The following ITGA5 variants were observed in gnomAD, a reference collection of about 807,000 sequenced individuals.
ITGA5 encodes the protein integrin subunit alpha 5.
A neutral mutation model predicts 146.3 loss-of-function variants in ITGA5; 55 were observed. The observed-to-expected ratio is 0.38, with a 90% CI of 0.30 to 0.47. The LOEUF is 0.47. ITGA5 is among the 20% of genes least tolerant of loss of function. The probability of loss-of-function intolerance (pLI) is 0.99; values close to 1 mark genes in which losing one functional copy is unlikely to be tolerated. For missense variants in ITGA5, 1,131 were observed against 1,329.0 expected (o/e 0.85, Z 2.32); for synonymous variants, 500 against 531.8 (o/e 0.94, Z 0.82).
At position 54,398,678 on chromosome 12, in the gene ITGA5, G is replaced by T; in HGVS notation, c.2862C>A (p.Ser954Arg). 2 of 1,603,728 alleles carry T rather than the reference G, an allele frequency of 1.2e-6. No homozygotes were observed. Among genetic ancestry groups the T allele is most frequent in the Non-Finnish European group, 1.7e-6 (2 of 1,176,058 alleles). ...CTTTGTACACAGCCTCACACTGCAGGCTAAATGGCTGGTGCTCCCGCTGTG... is the reference window on the plus strand; with the variant it reads ...CTTTGTACACAGCCTCACACTGCAGTCTAAATGGCTGGTGCTCCCGCTGTG... ...TFLQREHQPF[S>R]LQCEAVYKAL... Residue 954 changes from serine (S) to arginine (R), a missense_variant, in exon 28 of 30, where the codon AGC becomes AGA. By Grantham distance (110) the Ser-to-Arg change is moderately radical. Transcript: ENST00000293379.
At position 54,408,668 on chromosome 12, in the gene ITGA5, CCACTGCACTCCAGCCTGGGTGA is replaced by C. The variant is rs1001313982; in HGVS notation, c.691+66_691+87del. 3 of 1,201,686 alleles carry C rather than the reference CCACTGCACTCCAGCCTGGGTGA, an allele frequency of 2.5e-6. No individual in the cohort carries two copies. The African/African-American group carries it at 4.7e-5, about 19-fold the overall frequency. 74.4% of individuals were successfully genotyped at this position (1,201,686 alleles called of 1,614,324 possible). A position where few individuals can be genotyped will look rare whatever the true frequency, so the allele number is the denominator to read the frequency against. ...TTGAACCTGGGCAGCAGAGGTTGTG[CCACTGCACTCCAGCCTGGGTGA>C]CAGAGTGAGACTTCGTCTCAAAAAA... On this transcript the variant is annotated intron_variant, in intron 6 of 29. Coordinates refer to ENST00000293379, the MANE Select transcript of ITGA5 (RefSeq NM_002205.5).
intron 28 of ITGA5, among the ~76,000 whole-genome samples, chr12:54,398,352 T>C (rs2120463228): frequency 6.6e-6 from 1 of 152,314 alleles, no homozygotes; most frequent in East Asian, 1.9e-4. Context: ...TCCTATTATG[T>C]GTTTTCATAA....
chr12:54,400,479 G>T (rs1241534068), intron 25 of ITGA5: 3 of 209,480 alleles, frequency 1.4e-5, no homozygotes, highest in South Asian at 9.5e-5. Flanking sequence ...ATATTTCCTG[G>T]GCCTAACAGT....
At chr12:54,412,635 T>C (rs1302045436) in intron 1 of ITGA5, 2 of 152,440 alleles carry the variant, frequency 1.3e-5, no homozygotes, top group Non-Finnish European at 2.9e-5. Context: ...CCCTTTCCCA[T>C]AGACCACCCC....
intron 27 of ITGA5, 133 bp from the exon 28 acceptor site, chr12:54,398,831 CTCTCTTTT>C (rs2120466670): frequency 1.3e-5 from 6 of 449,274 alleles, no homozygotes; most frequent in South Asian, 1.2e-4. Flanking sequence ...CTCTCTCTCT[CTCTCTTTT>C]TTTTTTTTTT....
Position 54,409,663 on chromosome 12 carries a change from C to A in ITGA5, c.350-66G>T. The A allele has an allele frequency of 9.3e-7, 1 of 1,070,678 alleles. No individual in the cohort carries two copies. 66.3% of individuals were successfully genotyped at this position (1,070,678 alleles called of 1,614,324 possible). A position where few individuals can be genotyped will look rare whatever the true frequency, so the allele number is the denominator to read the frequency against. On this transcript the variant is annotated intron_variant, in intron 2 of 29. Coordinates refer to ENST00000293379, the MANE Select transcript of ITGA5 (RefSeq NM_002205.5). This position sits in a 1 kb window ranked among gnomAD's most constrained non-coding sequence, Gnocchi z 4.7. ...CATTTGAGCTCTAGGGCAGCCCCTA[C>A]CCTCAGCCTGGGGATACCCAACAAA...
At position 54,399,604 on chromosome 12, in the gene ITGA5, C is replaced by T. The variant is rs771208809; in HGVS notation, c.2841+41G>A. 4.1e-6 allele frequency: 6 copies of T among 1,474,070 alleles called. No individual in the cohort carries two copies. The African/African-American group carries it at 4.2e-5, about 10-fold the overall frequency. The allele number at this position is 1,474,070 out of a possible 1,614,324, so 91.3% of individuals were successfully genotyped here. A position where few individuals can be genotyped will look rare whatever the true frequency, so the allele number is the denominator to read the frequency against. ...AAAGGGGTGGGTCAGTCTAAGCAGG[C>T]CCAAAGGTCAGGGGTCAGGGCTGAG... On this transcript the variant is annotated intron_variant, in intron 27 of 29. Transcript: ENST00000293379.
rs1956010375 is a variant in ITGA5, at chr12:54,416,578, A to G, written c.218+2403T>C. ...GTAGCCAGGAAGGAGAGAACCAGAAACAGAAACAGCTACCCCATAAAAACC... is the reference window on the plus strand; with the variant it reads ...GTAGCCAGGAAGGAGAGAACCAGAAGCAGAAACAGCTACCCCATAAAAACC... On this transcript the variant is annotated intron_variant, in intron 1 of 29. Transcript: ENST00000293379. This position sits in a 1 kb window ranked among gnomAD's most constrained non-coding sequence, Gnocchi z 4.1. 6.6e-6 allele frequency among the ~76,000 whole-genome samples: 1 copy of G among 152,220 alleles called. No individual in the cohort carries two copies. The highest frequency in any genetic ancestry group is 1.5e-5 in the Non-Finnish European group (1 of 68,042).
intron 11 of ITGA5, 57 bp from the exon 12 acceptor site, chr12:54,405,431 A>C: frequency 7.3e-7 from 1 of 1,368,052 alleles, no homozygotes; most frequent in Non-Finnish European, 1.0e-6. Context: ...CCCCACCCCA[A>C]TCCTAGTGCT....
rs1194727211 is a variant in ITGA5 at position 54,418,581 on chromosome 12, A to G, written c.218+400T>C. Among the ~76,000 whole-genome samples the G allele has an allele frequency of 2.7e-5, 4 of 150,242 alleles. No individual in the cohort carries two copies. The East Asian group carries it at 8.0e-4, about 30-fold the overall frequency. ...GATCCCGAGGTCTCCTGGAGCCCCC[A>G]AAAGCCCTTCCCGGCCTCTGCGCCC... On this transcript the variant is annotated intron_variant, in intron 1 of 29. Transcript: ENST00000293379.
At chr12:54,411,756 CGCCCCAG>C (rs1955946412) in intron 2 of ITGA5, 71 bp downstream of exon 2, 4 of 1,296,420 alleles carry the variant, frequency 3.1e-6, no homozygotes, top group East Asian at 2.9e-5. Context: ...CTCCACCCCT[CGCCCCAG>C]GCCCCACCCA....
intron 1 of ITGA5, among the ~76,000 whole-genome samples, chr12:54,415,713 G>C (rs1323545874): frequency 6.6e-6 from 1 of 152,208 alleles, no homozygotes; most frequent in Non-Finnish European, 1.5e-5. Context: ...CAGGGGTGGA[G>C]AGCAGCAAGT....
At chr12:54,402,658 C>A (rs563812013) in intron 19 of ITGA5, among the ~76,000 whole-genome samples, 1 of 151,914 alleles carries the variant, frequency 6.6e-6, no homozygotes, top group South Asian at 2.1e-4. Flanking sequence ...CGAGATTGCG[C>A]CACTGCACTC....
rs184459769 is a variant in ITGA5, at chr12:54,416,118, G to A, written c.218+2863C>T. On this transcript the variant is annotated intron_variant, in intron 1 of 29. Coordinates refer to ENST00000293379, the MANE Select transcript of ITGA5 (RefSeq NM_002205.5). This position sits in a 1 kb window ranked among gnomAD's most constrained non-coding sequence, Gnocchi z 4.1. ...TCACTCTGTCGCCCAGTCTGGGGTC[G>A]CTCAGTACAGATGTGATCTCAGCTC... Among the ~76,000 whole-genome samples, 19 of 152,200 alleles carry A rather than the reference G, an allele frequency of 1.2e-4. No individual in the cohort carries two copies. The East Asian group carries it at 3.3e-3, about 26-fold the overall frequency.
chr12:54,418,117 C>G (rs550318913), intron 1 of ITGA5, among the ~76,000 whole-genome samples: 70 of 152,048 alleles, frequency 4.6e-4, no homozygotes, highest in African/African-American at 1.6e-3. Context: ...CCAGAAGTCC[C>G]GGTCTCAGCA....
In ITGA5 at chr12:54,405,386, G is replaced by C. The variant is rs1372322899; in HGVS notation, c.1017-12C>G. 1 of 1,580,188 alleles carries C rather than the reference G, an allele frequency of 6.3e-7. No homozygotes were observed. The highest frequency in any genetic ancestry group is 2.3e-5 in the East Asian group (1 of 44,030). On this transcript the variant is annotated splice_polypyrimidine_tract_variant and intron_variant, in intron 11 of 29. Transcript: ENST00000293379. ...GCAAGTCATCCAGCCTGAGGGGAAG[G>C]GCAAACCCAGGCATCTCGATACCCT...
At chr12:54,402,148 C>A (rs755384616) in intron 20 of ITGA5, 32 bp downstream of exon 20, 1 of 1,613,310 alleles carries the variant, frequency 6.2e-7, no homozygotes, top group African/African-American at 1.3e-5. Context: ...GAGGGGTATC[C>A]TCCCAAATCC....
At chr12:54,414,497 A>T (rs947715780) in intron 1 of ITGA5, among the ~76,000 whole-genome samples, 1 of 152,198 alleles carries the variant, frequency 6.6e-6, no homozygotes, top group Non-Finnish European at 1.5e-5. Context: ...GAACCTGGTT[A>T]TCTCATGCTG....
In ITGA5 at chr12:54,403,779, C is replaced by A; in HGVS notation, c.1622G>T (p.Gly541Val). Residue 541 changes from glycine (G) to valine (V), a missense_variant and splice_region_variant, in exon 17 of 30, where the codon GGT becomes GTT. Coordinates refer to ENST00000293379, the MANE Select transcript of ITGA5 (RefSeq NM_002205.5). The surrounding 1 kb of genome is among the most constrained non-coding windows in gnomAD (Gnocchi z 4.9). Reference sequence around the variant, plus strand: ...GTCCAGCTGAAGTTCCACTGTGAAACCTGAAGCCAGGGACATATAAAGGGA... The same window carrying A: ...GTCCAGCTGAAGTTCCACTGTGAAAACTGAAGCCAGGGACATATAAAGGGA... ...ASGKHVADSI[G>V]FTVELQLDWQ... The A allele has an allele frequency of 6.2e-7, 1 of 1,613,950 alleles. No homozygotes were observed. The highest frequency in any genetic ancestry group is 8.5e-7 in the Non-Finnish European group (1 of 1,179,834).
Sources: gnomAD v4.1 joint callset for allele counts (sites outside exome capture counted in the v4.1 genomes callset) on GRCh38, gnomAD v4.1.1 for gene constraint, Gnocchi (gnomAD v3.1) non-coding constraint, MANE v1.5 for transcripts, NCBI Gene and HGNC (gene_info 2026-07-23, HGNC 2026-07-21) for gene names.